Variants in CAPN2 observed in about 807,000 individuals in gnomAD.
CAPN2 encodes the protein calpain-2 catalytic subunit.
CAPN2 carries 92 observed loss-of-function variants against 102.3 expected under a neutral mutation model. That is an observed-to-expected ratio of 0.90 (90% CI 0.76 to 1.07). The LOEUF is 1.07. CAPN2 is among the 50% of genes least tolerant of loss of function. CAPN2 has a pLI of 0.00. For synonymous variants in CAPN2, 340 were observed against 355.4 expected (o/e 0.96, Z 0.49); for missense variants, 800 against 909.4 (o/e 0.88, Z 1.55).
chr1:223,746,469 G>A (rs12562109), intron 4 of CAPN2, among the ~76,000 whole-genome samples: 31,732 of 144,680 alleles, frequency 0.22, 6,106 homozygotes, highest in African/African-American at 0.53. Context: ...AAGGTTCTAC[G>A]AGAATCTTTT....
intron 14 of CAPN2, among the ~76,000 whole-genome samples, chr1:223,763,921 G>C (rs1057489448): frequency 6.6e-6 from 1 of 152,036 alleles, no homozygotes; most frequent in Non-Finnish European, 1.5e-5. Flanking sequence ...GCCCAGCCTG[G>C]GTGTTCTAAA....
chr1:223,717,744 T>C lies in CAPN2; in HGVS notation c.238-18T>C, dbSNP rs754295872. 6.3e-5 allele frequency: 101 copies of C among 1,611,914 alleles called. No homozygotes were observed. Among genetic ancestry groups the C allele is most frequent in the Non-Finnish European group, 6.6e-5 (78 of 1,178,188 alleles). On this transcript the variant is annotated intron_variant, in intron 1 of 20. Coordinates refer to ENST00000295006, the MANE Select transcript of CAPN2 (RefSeq NM_001748.5). Reference sequence around the variant, plus strand: ...CCTGGCTGGTAGGCTAACAGCACTTTGTGGGTCTCGTTCCCAGGAGATCTG... The same window carrying C: ...CCTGGCTGGTAGGCTAACAGCACTTCGTGGGTCTCGTTCCCAGGAGATCTG...
chr1:223,743,245 C>T (rs1187674725), intron 2 of CAPN2, among the ~76,000 whole-genome samples: 1 of 152,206 alleles, frequency 6.6e-6, no homozygotes, highest in South Asian at 2.1e-4. Flanking sequence ...TTGTGCCCAT[C>T]CTTGTCTACC....
chr1:223,742,527 T>A (rs1250105034), intron 2 of CAPN2, among the ~76,000 whole-genome samples: 1 of 111,804 alleles, frequency 8.9e-6, no homozygotes, highest in African/African-American at 4.1e-5. Flanking sequence ...TATTTTTTTT[T>A]TTTTTTTTGA....
rs1408961554 is a variant in CAPN2 at position 223,770,431 on chromosome 1, A to C, written c.1825-16A>C. The C allele has an allele frequency of 1.9e-6, 3 of 1,599,290 alleles. No individual in the cohort carries two copies. Among genetic ancestry groups the C allele is most frequent in the Non-Finnish European group, 2.6e-6 (3 of 1,166,736 alleles). Reference sequence around the variant, plus strand: ...GCTTTGGGTCATAGTTCTTACAGCTAACTTATGTGTTCCAGAAAATTTACC... The same window carrying C: ...GCTTTGGGTCATAGTTCTTACAGCTCACTTATGTGTTCCAGAAAATTTACC... On this transcript the variant is annotated splice_polypyrimidine_tract_variant and intron_variant, in intron 17 of 20. Coordinates refer to ENST00000295006, the MANE Select transcript of CAPN2 (RefSeq NM_001748.5).
Position 223,724,738 on chromosome 1 carries a change from G to A in CAPN2, c.307+6907G>A, listed in dbSNP as rs567562366. Among the ~76,000 whole-genome samples, 141 of 152,306 alleles carry A rather than the reference G, an allele frequency of 9.3e-4. 1 individual carries two copies. The highest frequency in any genetic ancestry group is 3.3e-3 in the African/African-American group (136 of 41,574). On this transcript the variant is annotated intron_variant, in intron 2 of 20. Coordinates refer to ENST00000295006, the MANE Select transcript of CAPN2 (RefSeq NM_001748.5). ...TAATCCCAACACTTTGGGAGGCTGA[G>A]GTGGGAGGGTCCCTTCAGCCCAGGA... is the stretch of plus-strand genomic sequence containing the variant.
At chr1:223,763,269 G>C (rs948606145) in intron 14 of CAPN2, among the ~76,000 whole-genome samples, 18 of 151,246 alleles carry the variant, frequency 1.2e-4, no homozygotes, top group Admixed American at 7.2e-4. Context: ...GAGCTCATCT[G>C]GTACTCCCTT....
At chr1:223,764,117 G>T in intron 14 of CAPN2, 33 bp from the exon 15 acceptor site, 1 of 1,590,380 alleles carries the variant, frequency 6.3e-7, no homozygotes, top group East Asian at 2.2e-5. Context: ...CCCACGGGGG[G>T]CCAATAACTA....
Position 223,761,993 on chromosome 1 carries a change from T to C in CAPN2, c.1567-193T>C, listed in dbSNP as rs138406289. On this transcript the variant is annotated intron_variant, in intron 13 of 20. Coordinates refer to ENST00000295006, the MANE Select transcript of CAPN2 (RefSeq NM_001748.5). ...CACATAATTTACATTCCTTCTTGTG[T>C]TTTAATTAGAAAAAAAAAACCTTAT... Among the ~76,000 whole-genome samples the C allele has an allele frequency of 3.1e-3, 434 of 140,436 alleles. 1 individual carries two copies. The highest frequency in any genetic ancestry group is 0.013 in the African/African-American group (407 of 32,048). 92.1% of individuals were successfully genotyped at this position (140,436 alleles called of 152,430 possible).
rs1427001420 is a variant in CAPN2 at position 223,766,443 on chromosome 1, T to C, written c.1755+12T>C. The C allele has an allele frequency of 4.1e-5, 66 of 1,599,280 alleles. No homozygotes were observed. The highest frequency in any genetic ancestry group is 5.5e-5 in the Non-Finnish European group (64 of 1,166,580). ...TTGACATGCTAGATGTATCCTTTAA[T>C]GTGCTCCAGGGAATAGAGACTGGGG... On this transcript the variant is annotated intron_variant, in intron 16 of 20. Coordinates refer to ENST00000295006, the MANE Select transcript of CAPN2 (RefSeq NM_001748.5).
intron 2 of CAPN2, among the ~76,000 whole-genome samples, chr1:223,736,887 T>C (rs950213517): frequency 6.6e-6 from 1 of 151,894 alleles, no homozygotes; most frequent in African/African-American, 2.4e-5. Flanking sequence ...ACAAAAAAAG[T>C]TTTTTAATTA....
chr1:223,742,489 T>TAC (rs1409207916), intron 2 of CAPN2, among the ~76,000 whole-genome samples: 1 of 53,936 alleles, frequency 1.9e-5, no homozygotes, highest in Non-Finnish European at 3.6e-5. Flanking sequence ...ATATTTTATA[T>TAC]ATATGTGTGT....
intron 6 of CAPN2, among the ~76,000 whole-genome samples, chr1:223,749,698 G>C (rs144624844): frequency 2.0e-5 from 3 of 152,316 alleles, no homozygotes; most frequent in African/African-American, 7.2e-5. Context: ...AGCTGTCCTT[G>C]CTGTTGTGAT....
chr1:223,755,179 T>TTCTGCCATCC lies in CAPN2; in HGVS notation c.1136-291_1136-282dup, dbSNP rs1661000481. 6.6e-6 allele frequency among the ~76,000 whole-genome samples: 1 copy of TTCTGCCATCC among 152,024 alleles called. No individual in the cohort carries two copies. Among genetic ancestry groups the TTCTGCCATCC allele is most frequent in the Admixed American group, 6.6e-5 (1 of 15,260 alleles). On this transcript the variant is annotated intron_variant, in intron 9 of 20. Coordinates refer to ENST00000295006, the MANE Select transcript of CAPN2 (RefSeq NM_001748.5). This position sits in a 1 kb window ranked among gnomAD's most constrained non-coding sequence, Gnocchi z 4.1. ...ACATCGCCTGCCGTCTCTGACCATC[T>TTCTGCCATCC]TCTGCCATCCTCTGCCATCTCCCAC...
At chr1:223,751,903 A>G in intron 7 of CAPN2, 94 bp from the exon 8 acceptor site, 1 of 788,034 alleles carries the variant, frequency 1.3e-6, no homozygotes. Flanking sequence ...CTGAGCCCTC[A>G]GAGGTGAGAG....
intron 3 of CAPN2, 124 bp from the exon 4 acceptor site, chr1:223,745,182 T>A: frequency 7.7e-7 from 1 of 1,299,278 alleles, no homozygotes; most frequent in Non-Finnish European, 1.1e-6. Flanking sequence ...GAGCACCTCC[T>A]CCCAGGATGC....
At chr1:223,741,405 T>C (rs1234534924) in intron 2 of CAPN2, among the ~76,000 whole-genome samples, 3 of 143,000 alleles carry the variant, frequency 2.1e-5, no homozygotes, top group Non-Finnish European at 4.5e-5. Context: ...ACTTTTTGAA[T>C]CTTTGGCTGT....
chr1:223,713,249 T>G (rs1250336538), intron 1 of CAPN2, among the ~76,000 whole-genome samples: 1 of 151,868 alleles, frequency 6.6e-6, no homozygotes, highest in Admixed American at 6.6e-5. Flanking sequence ...GGGAATCGGG[T>G]CTGCAGGGAA....
At chr1:223,738,192 C>A (rs1660515130) in intron 2 of CAPN2, among the ~76,000 whole-genome samples, 1 of 151,582 alleles carries the variant, frequency 6.6e-6, no homozygotes, top group Non-Finnish European at 1.5e-5. Context: ...GGGTCTTGTT[C>A]TGTCACCCAG....
Sources: gnomAD v4.1 joint callset for allele counts (sites outside exome capture counted in the v4.1 genomes callset) on GRCh38, gnomAD v4.1.1 for gene constraint, Gnocchi (gnomAD v3.1) non-coding constraint, MANE v1.5 for transcripts, NCBI Gene and HGNC (gene_info 2026-07-23, HGNC 2026-07-21) for gene names.